The following KIRREL3 variants were observed in gnomAD, a reference collection of about 807,000 sequenced individuals.
KIRREL3 encodes the protein kin of IRRE-like protein 3.
In KIRREL3, 36 loss-of-function variants were observed where a neutral mutation model predicts 89.7. That is an observed-to-expected ratio of 0.40 (90% confidence interval 0.31 to 0.53). KIRREL3 has a LOEUF of 0.53. Among genes scored for constraint, KIRREL3 ranks in the 20% least tolerant of loss-of-function variants. The pLI, the probability that KIRREL3 is intolerant of heterozygous loss-of-function variation, is 0.49. For synonymous variants in KIRREL3, 445 were observed against 441.4 expected, an observed-to-expected ratio of 1.01 and a Z score of -0.10; for missense variants, 864 against 1,056.6, an observed-to-expected ratio of 0.82 and a Z score of 2.53.
rs1440493433 is a variant in KIRREL3, at chr11:126,527,537, T to C, written c.134-850A>G. 2.0e-5 allele frequency among the ~76,000 whole-genome samples: 3 copies of C among 152,210 alleles called. No homozygotes were observed. Among genetic ancestry groups the C allele is most frequent in the African/African-American group, 7.2e-5 (3 of 41,454 alleles). ...ACCTAAAAATAGTAGGCACTATTTT[T>C]ATCCCCATTTTCCAGATGGGAAAAT... On this transcript the variant is annotated intron_variant, in intron 2 of 16. Transcript: ENST00000525144. This position sits in a 1 kb window ranked among gnomAD's most constrained non-coding sequence, Gnocchi z 4.2.
intron 5 of KIRREL3, among the ~76,000 whole-genome samples, chr11:126,468,557 G>A (rs1956795608): frequency 6.6e-6 from 1 of 152,228 alleles, no homozygotes; most frequent in African/African-American, 2.4e-5. Context: ...CAGGGCTGAG[G>A]CTCATCCCTC....
chr11:126,599,416 T>C (rs1253823163), intron 1 of KIRREL3, among the ~76,000 whole-genome samples: 1 of 152,200 alleles, frequency 6.6e-6, no homozygotes, highest in Non-Finnish European at 1.5e-5. Context: ...TCTGTTCTCT[T>C]TAACTCTTAA....
At chr11:126,957,266 C>T (rs180836551) in intron 1 of KIRREL3, among the ~76,000 whole-genome samples, 38 of 152,226 alleles carry the variant, frequency 2.5e-4, no homozygotes, top group East Asian at 1.5e-3. Context: ...TTGCTCAGGT[C>T]GTGAAAACTG....
In KIRREL3 at chr11:126,424,354, G is replaced by A. The variant is rs374238392; in HGVS notation, c.*226C>T. ...AGCACTAAGCACAGCGCACTCAGCC[G>A]CAGCCTCTGTCTGTCTCCCCACCCG... is the stretch of plus-strand genomic sequence containing the variant. On this transcript the variant is annotated 3_prime_UTR_variant, in exon 17 of 17. Transcript: ENST00000525144. The A allele has an allele frequency of 7.3e-5, 41 of 561,754 alleles. No homozygotes were observed. The highest frequency in any genetic ancestry group is 2.2e-4 in the South Asian group (11 of 49,388). The allele number at this position is 561,754 out of a possible 1,614,324, so 34.8% of individuals were successfully genotyped here.
rs1591599311 is a variant in KIRREL3, at chr11:126,473,603, C to T, written c.434-137G>A. The T allele has an allele frequency of 3.5e-5, 25 of 717,336 alleles. No homozygotes were observed. The South Asian group carries it at 5.1e-4, about 15-fold the overall frequency. The allele number at this position is 717,336 out of a possible 1,614,324, so 44.4% of individuals were successfully genotyped here. On this transcript the variant is annotated intron_variant, in intron 4 of 16. Coordinates refer to ENST00000525144, the MANE Select transcript of KIRREL3 (RefSeq NM_032531.4). ...AATAAAACGCATCGTCCGCTTGTAT[C>T]GTAATGATGAGAGCAGCACCCACAG...
rs1377089077 is a variant in KIRREL3 at position 126,428,387 on chromosome 11, C to G, written c.1806+792G>C. On this transcript the variant is annotated intron_variant, in intron 15 of 16. Coordinates refer to ENST00000525144, the MANE Select transcript of KIRREL3 (RefSeq NM_032531.4). This position sits in a 1 kb window ranked among gnomAD's most constrained non-coding sequence, Gnocchi z 6.4. Reference sequence around the variant, plus strand: ...AAATGGGGATTCGGAAGAGGAGGAGCAGGCTTGATGTGCCTGGAGAAGTGA... The same window carrying G: ...AAATGGGGATTCGGAAGAGGAGGAGGAGGCTTGATGTGCCTGGAGAAGTGA... 6.6e-6 allele frequency among the ~76,000 whole-genome samples: 1 copy of G among 152,116 alleles called. No individual in the cohort carries two copies. The highest frequency in any genetic ancestry group is 1.9e-4 in the East Asian group (1 of 5,178).
rs59392843 is a variant in KIRREL3, at chr11:126,552,550, G to GTTTTTTTTTTTT, written c.133+10273_133+10284dup. Among the ~76,000 whole-genome samples the GTTTTTTTTTTTT allele has an allele frequency of 5.7e-4, 47 of 81,766 alleles. 10 individuals are homozygous for GTTTTTTTTTTTT. Among genetic ancestry groups the GTTTTTTTTTTTT allele is most frequent in the Non-Finnish European group, 7.4e-4 (32 of 43,006 alleles). 53.6% of individuals were successfully genotyped at this position (81,766 alleles called of 152,430 possible). A position where few individuals can be genotyped will look rare whatever the true frequency, so the allele number is the denominator to read the frequency against. On this transcript the variant is annotated intron_variant, in intron 2 of 16. Coordinates refer to ENST00000525144, the MANE Select transcript of KIRREL3 (RefSeq NM_032531.4). ...TGCATCACACAGGGGAGAGAGAAAA[G>GTTTTTTTTTTTT]TTTTTTTTTTTTTTTTTTTTTTTTT...
intron 13 of KIRREL3, among the ~76,000 whole-genome samples, chr11:126,434,346 C>G (rs1399756895): frequency 6.6e-6 from 1 of 152,242 alleles, no homozygotes; most frequent in East Asian, 1.9e-4. Context: ...GGAGACACCA[C>G]CCTCAGCACT....
chr11:126,497,221 TGAGTGTGTGTGA>T (rs1438646576), intron 4 of KIRREL3, among the ~76,000 whole-genome samples: 4 of 117,914 alleles, frequency 3.4e-5, no homozygotes, highest in Admixed American at 3.2e-4. Context: ...TGTGTGAGAG[TGAGTGTGTGTGA>T]GACAGTGTGA....
In KIRREL3 at chr11:126,744,754, G is replaced by C. The variant is rs768481144; in HGVS notation, c.56-181842C>G. 1.3e-5 allele frequency among the ~76,000 whole-genome samples: 2 copies of C among 152,018 alleles called. No homozygotes were observed. Among genetic ancestry groups the C allele is most frequent in the Non-Finnish European group, 2.9e-5 (2 of 68,008 alleles). On this transcript the variant is annotated intron_variant, in intron 1 of 16. Coordinates refer to ENST00000525144, the MANE Select transcript of KIRREL3 (RefSeq NM_032531.4). The surrounding 1 kb of genome is among the most constrained non-coding windows in gnomAD (Gnocchi z 4.7). ...TATTCTTTATAATGCTCATGCCAAT[G>C]TCAATGTTTTGAATGCTGCCTTCCC...
chr11:126,765,380 G>A (rs1000205367), intron 1 of KIRREL3, among the ~76,000 whole-genome samples: 3 of 152,166 alleles, frequency 2.0e-5, no homozygotes, highest in Non-Finnish European at 4.4e-5. Flanking sequence ...AGGTGTGTGT[G>A]CGGGGAGAAA....
Position 126,807,398 on chromosome 11 carries a change from T to C in KIRREL3, c.55+193057A>G, listed in dbSNP as rs1402495291. Among the ~76,000 whole-genome samples the C allele has an allele frequency of 6.6e-6, 1 of 152,234 alleles. No homozygotes were observed. The highest frequency in any genetic ancestry group is 2.4e-5 in the African/African-American group (1 of 41,470). On this transcript the variant is annotated intron_variant, in intron 1 of 16. Transcript: ENST00000525144. The surrounding 1 kb of genome is among the most constrained non-coding windows in gnomAD (Gnocchi z 4.3). ...ATGAAACTCTGCCATGTACACATGT[T>C]CTAACCTGTATTTTGGCTTCTAGTG...
rs1432957380 is a variant in KIRREL3 at position 126,659,207 on chromosome 11, GTTTA to G, written c.56-96299_56-96296del. Among the ~76,000 whole-genome samples the G allele has an allele frequency of 2.0e-5, 3 of 152,268 alleles. No homozygotes were observed. In the South Asian group the frequency reaches 6.2e-4, roughly 32 times the overall value. On this transcript the variant is annotated intron_variant, in intron 1 of 16. Coordinates refer to ENST00000525144, the MANE Select transcript of KIRREL3 (RefSeq NM_032531.4). ...TCTTCAAGAATCTCAGACATGGTGA[GTTTA>G]TTTATTTTTTCTCTTATTTTAAAAC...
chr11:126,967,860 C>G (rs1166121613), intron 1 of KIRREL3, among the ~76,000 whole-genome samples: 2 of 152,076 alleles, frequency 1.3e-5, no homozygotes, highest in Non-Finnish European at 2.9e-5. Flanking sequence ...AAACCTCTTA[C>G]AATGCACAAG....
In KIRREL3 at chr11:126,630,855, G is replaced by A. The variant is rs551701497; in HGVS notation, c.56-67943C>T. 5.3e-5 allele frequency among the ~76,000 whole-genome samples: 8 copies of A among 152,230 alleles called. No homozygotes were observed. In the South Asian group the frequency reaches 1.7e-3, roughly 32 times the overall value. ...CATGGCAACTCCACAGGGTGAGCCC[G>A]CCCTTTGGACCTGACACTATGTGCC... On this transcript the variant is annotated intron_variant, in intron 1 of 16. Coordinates refer to ENST00000525144, the MANE Select transcript of KIRREL3 (RefSeq NM_032531.4).
Position 126,564,938 on chromosome 11 carries a change from A to T in KIRREL3, c.56-2026T>A, listed in dbSNP as rs114588829. 0.02 allele frequency among the ~76,000 whole-genome samples: 3,041 copies of T among 152,322 alleles called. 98 individuals carry two copies. The highest frequency in any genetic ancestry group is 0.069 in the African/African-American group (2,885 of 41,540). On this transcript the variant is annotated intron_variant, in intron 1 of 16. Transcript: ENST00000525144. This position sits in a 1 kb window ranked among gnomAD's most constrained non-coding sequence, Gnocchi z 7.4. The stretch of plus-strand genomic sequence containing the variant: ...ACACGCATTGTTCATCATTAGAATG[A>T]TACAATTGCTGACAATTCCTATTAT...
At chr11:126,878,638 A>C (rs914896889) in intron 1 of KIRREL3, among the ~76,000 whole-genome samples, 3 of 152,192 alleles carry the variant, frequency 2.0e-5, no homozygotes. Flanking sequence ...AGCAAAAGAA[A>C]AAAAAAACAA....
rs1441359151 is a variant in KIRREL3 at position 126,576,508 on chromosome 11, A to T, written c.56-13596T>A. ...AGCTTCTATGTAGTTCCTTTCCCTT[A>T]CACGTAATTTAGAGGTAGGAAGTTT... On this transcript the variant is annotated intron_variant, in intron 1 of 16. Transcript: ENST00000525144. The surrounding 1 kb of genome is among the most constrained non-coding windows in gnomAD (Gnocchi z 5.4). Among the ~76,000 whole-genome samples, 1 of 152,146 alleles carries T rather than the reference A, an allele frequency of 6.6e-6. No individual in the cohort carries two copies. The highest frequency in any genetic ancestry group is 2.4e-5 in the African/African-American group (1 of 41,422).
chr11:126,925,870 T>C (rs1159493554), intron 1 of KIRREL3, among the ~76,000 whole-genome samples: 1 of 152,176 alleles, frequency 6.6e-6, no homozygotes, highest in Non-Finnish European at 1.5e-5. Flanking sequence ...TCCTCCTCTA[T>C]CTGTGACAGT....
Sources: gnomAD v4.1 joint callset for allele counts (sites outside exome capture counted in the v4.1 genomes callset) on GRCh38, gnomAD v4.1.1 for gene constraint, Gnocchi (gnomAD v3.1) non-coding constraint, MANE v1.5 for transcripts, NCBI Gene and HGNC (gene_info 2026-07-23, HGNC 2026-07-21) for gene names.